Variants in EPAS1 observed in about 807,000 individuals in gnomAD.
EPAS1 encodes endothelial PAS domain-containing protein 1.
A neutral mutation model predicts 87.9 loss-of-function variants in EPAS1; 23 were observed. The ratio of observed to expected loss-of-function variants is 0.26; its 90% CI spans 0.19 to 0.37. The LOEUF is 0.37. Among genes scored for constraint, EPAS1 ranks in the 10% least tolerant of loss-of-function variants. The pLI is 1.00. For synonymous variants in EPAS1, 508 were observed against 444.3 expected (o/e 1.14, Z -1.80); for missense variants, 1,138 against 1,120.7 (o/e 1.02, Z -0.22).
At chr2:46,334,869 A>G (rs1313513545) in intron 1 of EPAS1, among the ~76,000 whole-genome samples, 1 of 152,216 alleles carries the variant, frequency 6.6e-6, no homozygotes, top group East Asian at 1.9e-4. Context: ...GTGCGCAGAC[A>G]TCTCACTTCT....
rs1223537407 is a variant in EPAS1, at chr2:46,377,904, C to T, written c.1260C>T (p.Asn420=). The change falls in exon 10 of 16, where the codon AAC becomes AAT. Residue 420 remains asparagine (N), a synonymous_variant. Coordinates refer to ENST00000263734, the MANE Select transcript of EPAS1 (RefSeq NM_001430.5). ...AIISLDFGNQ[N]FEESSAYGKA... is the part of the protein sequence containing the mutation. ...CCCTTGTCTCCACAGGGAATCAGAA[C>T]TTCGAGGAGTCCTCAGCCTATGGCA... The T allele has an allele frequency of 1.3e-6, 2 of 1,552,562 alleles. No individual in the cohort carries two copies. The highest frequency in any genetic ancestry group is 1.2e-5 in the South Asian group (1 of 84,128).
chr2:46,371,492 C>A lies in EPAS1; in HGVS notation c.886+1559C>A, dbSNP rs1208076541. Among the ~76,000 whole-genome samples the A allele has an allele frequency of 6.6e-6, 1 of 152,168 alleles. No individual in the cohort carries two copies. The highest frequency in any genetic ancestry group is 1.5e-5 in the Non-Finnish European group (1 of 68,032). Reference sequence around the variant, plus strand: ...ACACACGCGCACACACAGACACACACACACAAACAACCTAGATTCAGCCCC... The same window carrying A: ...ACACACGCGCACACACAGACACACAAACACAAACAACCTAGATTCAGCCCC... On this transcript the variant is annotated intron_variant, in intron 7 of 15. Coordinates refer to ENST00000263734, the MANE Select transcript of EPAS1 (RefSeq NM_001430.5). This position sits in a 1 kb window ranked among gnomAD's most constrained non-coding sequence, Gnocchi z 4.3.
intron 1 of EPAS1, among the ~76,000 whole-genome samples, chr2:46,332,298 G>GTT (rs1683698253): frequency 9.3e-6 from 1 of 108,092 alleles, no homozygotes; most frequent in Non-Finnish European, 1.7e-5. Flanking sequence ...ATACGTGTGT[G>GTT]TGTGTGTGTG....
At position 46,380,830 on chromosome 2, in the gene EPAS1, C is replaced by A; in HGVS notation, c.2045+113C>A. The A allele has an allele frequency of 6.5e-7, 1 of 1,545,824 alleles. No individual in the cohort carries two copies. Among genetic ancestry groups the A allele is most frequent in the Admixed American group, 1.7e-5 (1 of 58,760 alleles). On this transcript the variant is annotated intron_variant, in intron 12 of 15. Transcript: ENST00000263734. This position sits in a 1 kb window ranked among gnomAD's most constrained non-coding sequence, Gnocchi z 4.4. ...CCCCTCTCCCCAGCCATCTGATACC[C>A]CATTTAGCCCTTCTCTGAGCTCAGA...
rs948205796 is a variant in EPAS1, at chr2:46,380,187, C to T, written c.1555-40C>T. 2 of 1,602,304 alleles carry T rather than the reference C, an allele frequency of 1.2e-6. No individual in the cohort carries two copies. Among genetic ancestry groups the T allele is most frequent in the South Asian group, 1.1e-5 (1 of 91,084 alleles). ...TTGGAATAGTGTTTGTGAGGTCGTA[C>T]CAACCCCCTTGCCTCTTTGCCGGTG... On this transcript the variant is annotated intron_variant, in intron 11 of 15. Transcript: ENST00000263734. The surrounding 1 kb of genome is among the most constrained non-coding windows in gnomAD (Gnocchi z 4.4).
intron 6 of EPAS1, among the ~76,000 whole-genome samples, chr2:46,361,623 G>A (rs1203871212): frequency 6.6e-6 from 1 of 152,168 alleles, no homozygotes; most frequent in African/African-American, 2.4e-5. Context: ...TAACCCCCCA[G>A]TGCCAGGCCC....
Position 46,347,130 on chromosome 2 carries a change from G to A in EPAS1, c.217+67G>A, listed in dbSNP as rs1684046077. ...TTACCAGCATGTTCCTATATGCAGGGGACCCTTCTGCTGCCAGAGCTGGAA... is the reference window on the plus strand; with the variant it reads ...TTACCAGCATGTTCCTATATGCAGGAGACCCTTCTGCTGCCAGAGCTGGAA... On this transcript the variant is annotated intron_variant, in intron 2 of 15. Coordinates refer to ENST00000263734, the MANE Select transcript of EPAS1 (RefSeq NM_001430.5). The surrounding 1 kb of genome is among the most constrained non-coding windows in gnomAD (Gnocchi z 4.2). 6.4e-7 allele frequency: 1 copy of A among 1,567,578 alleles called. No individual in the cohort carries two copies. Among genetic ancestry groups the A allele is most frequent in the African/African-American group, 1.4e-5 (1 of 74,052 alleles).
At chr2:46,334,581 G>T (rs1683751960) in intron 1 of EPAS1, among the ~76,000 whole-genome samples, 1 of 152,116 alleles carries the variant, frequency 6.6e-6, no homozygotes, top group South Asian at 2.1e-4. Context: ...TGACTGTTCA[G>T]CCCATTCTTC....
intron 6 of EPAS1, among the ~76,000 whole-genome samples, chr2:46,365,344 T>C (rs1313844704): frequency 2.6e-5 from 4 of 152,232 alleles, no homozygotes; most frequent in Non-Finnish European, 4.4e-5. Context: ...TGTCATTGCA[T>C]TTAGGGAACA....
intron 1 of EPAS1, among the ~76,000 whole-genome samples, chr2:46,307,658 C>T (rs758480610): frequency 2.0e-5 from 3 of 152,138 alleles, no homozygotes; most frequent in African/African-American, 4.8e-5. Flanking sequence ...TGGCTGGGCA[C>T]TGTGTGGTCC....
rs57351888 is a variant in EPAS1, at chr2:46,359,257, CAAAAAAA to C, written c.455-1363_455-1357del. On this transcript the variant is annotated intron_variant, in intron 4 of 15. Transcript: ENST00000263734. ...CTGGCGACAGAGCAAGATTCTGTCT[CAAAAAAA>C]AAAAAAAAAAAAAAAAAGATCAAAT... Among the ~76,000 whole-genome samples, 7 of 25,094 alleles carry C rather than the reference CAAAAAAA, an allele frequency of 2.8e-4. 1 individual carries two copies. In the East Asian group the frequency reaches 0.012, roughly 43 times the overall value. 16.5% of individuals were successfully genotyped at this position (25,094 alleles called of 152,430 possible).
intron 1 of EPAS1, among the ~76,000 whole-genome samples, chr2:46,307,643 C>T (rs1000916950): frequency 4.6e-5 from 7 of 152,156 alleles, no homozygotes; most frequent in African/African-American, 1.7e-4. Context: ...AAATCCTAGT[C>T]TGTGTGGCTG....
At chr2:46,356,978 G>A (rs1400653539) in intron 4 of EPAS1, among the ~76,000 whole-genome samples, 170 bp downstream of exon 4, 1 of 152,122 alleles carries the variant, frequency 6.6e-6, no homozygotes, top group African/African-American at 2.4e-5. Flanking sequence ...GGCATTGAGA[G>A]GATCCAGTAC....
intron 11 of EPAS1, chr2:46,379,910 G>A: frequency 4.4e-6 from 2 of 458,238 alleles, no homozygotes; most frequent in Non-Finnish European, 8.1e-6. Flanking sequence ...GGCTGACTCT[G>A]TGGAAGAGGG....
chr2:46,356,129 T>TGGGGGCCCCCC, intron 2 of EPAS1, 22 bp from the exon 3 acceptor site: 1 of 1,242,738 alleles, frequency 8.0e-7, no homozygotes, highest in Non-Finnish European at 1.1e-6. Context: ...ATGCAAGCTG[T>TGGGGGCCCCCC]CCCACCCCCC....
In EPAS1 at chr2:46,350,868, C is replaced by T. The variant is rs1443017392; in HGVS notation, c.217+3805C>T. Among the ~76,000 whole-genome samples the T allele has an allele frequency of 2.0e-5, 3 of 152,178 alleles. No homozygotes were observed. In the East Asian group the frequency reaches 5.8e-4, roughly 29 times the overall value. ...TTCATCATCATTTGCTTAGCGAAGACATCAGTTATAACAAGAGATTATATT... is the reference window on the plus strand; with the variant it reads ...TTCATCATCATTTGCTTAGCGAAGATATCAGTTATAACAAGAGATTATATT... On this transcript the variant is annotated intron_variant, in intron 2 of 15. Coordinates refer to ENST00000263734, the MANE Select transcript of EPAS1 (RefSeq NM_001430.5).
rs1235449584 is a variant in EPAS1, at chr2:46,360,912, G to C, written c.601G>C (p.Val201Leu). The change falls in exon 6 of 16, where the codon GTC (valine) becomes CTC (leucine). Residue 201 changes from valine (V) to leucine (L), a missense_variant. Physicochemically the swap from Val to Leu is conservative, Grantham distance 32. Transcript: ENST00000263734. The surrounding 1 kb of genome is among the most constrained non-coding windows in gnomAD (Gnocchi z 4.5). ...KVLHCTGQVK[V>L]YNNCPPHNSL... is the part of the protein sequence containing the mutation. Reference sequence around the variant, plus strand: ...CTTGCACTGCACGGGCCAGGTGAAAGTCTACAACAACTGCCCTCCTCACAA... The same window carrying C: ...CTTGCACTGCACGGGCCAGGTGAAACTCTACAACAACTGCCCTCCTCACAA... The C allele has an allele frequency of 6.2e-7, 1 of 1,614,074 alleles. No individual in the cohort carries two copies. Among genetic ancestry groups the C allele is most frequent in the Admixed American group, 1.7e-5 (1 of 60,012 alleles).
At chr2:46,367,434 T>C (rs1485066076) in intron 6 of EPAS1, among the ~76,000 whole-genome samples, 1 of 152,238 alleles carries the variant, frequency 6.6e-6, no homozygotes, top group Non-Finnish European at 1.5e-5. Flanking sequence ...GGCTTACTCA[T>C]GCAGTTCTAG....
intron 1 of EPAS1, among the ~76,000 whole-genome samples, chr2:46,304,961 C>G (rs1683079947): frequency 6.6e-6 from 1 of 152,228 alleles, no homozygotes; most frequent in Non-Finnish European, 1.5e-5. Context: ...AGCCATCACA[C>G]TGTTGGCCCC....
Sources: gnomAD v4.1 joint callset for allele counts (sites outside exome capture counted in the v4.1 genomes callset) on GRCh38, gnomAD v4.1.1 for gene constraint, Gnocchi (gnomAD v3.1) non-coding constraint, MANE v1.5 for transcripts, NCBI Gene and HGNC (gene_info 2026-07-23, HGNC 2026-07-21) for gene names.